Variants in RAP1A observed in about 807,000 individuals in gnomAD.
RAP1A encodes the protein ras-related protein Rap-1A.
A neutral mutation model predicts 26.4 loss-of-function variants in RAP1A; 6 were observed. The ratio of observed to expected loss-of-function variants is 0.23; its 90% CI spans 0.12 to 0.45. RAP1A has a LOEUF of 0.45. Among genes scored for constraint, RAP1A ranks in the 20% least tolerant of loss-of-function variants. The pLI, the probability that RAP1A is intolerant of heterozygous loss-of-function variation, is 0.99. For synonymous variants in RAP1A, 73 were observed against 79.4 expected, an observed-to-expected ratio of 0.92 and a Z score of 0.43; for missense variants, 121 against 217.2, an observed-to-expected ratio of 0.56 and a Z score of 2.78.
At chr1:111,695,123 T>C (rs973923019) in intron 2 of RAP1A, among the ~76,000 whole-genome samples, 5 of 152,174 alleles carry the variant, frequency 3.3e-5, no homozygotes, top group African/African-American at 1.2e-4. Context: ...TTATCAGTAT[T>C]GATGACAGTT....
Position 111,715,599 on chromosome 1 carries a change from G to C in RAP1A, c.*3198G>C, listed in dbSNP as rs1399415259. ...AACTTTTGGCAAAATATGGATGTTG[G>C]TGTGTTACTCTCTTCTCCCTACAAC... is the stretch of plus-strand genomic sequence containing the variant. On this transcript the variant is annotated 3_prime_UTR_variant, in exon 8 of 8. Transcript: ENST00000369709. 1.3e-5 allele frequency: 2 copies of C among 152,194 alleles called. No homozygotes were observed. The highest frequency in any genetic ancestry group is 6.5e-5 in the Admixed American group (1 of 15,286). 9.4% of individuals were successfully genotyped at this position (152,194 alleles called of 1,614,324 possible).
upstream of RAP1A, among the ~76,000 whole-genome samples, chr1:111,618,820 TAAATA>T (rs112405146): frequency 6.6e-5 from 10 of 151,072 alleles, no homozygotes; most frequent in Admixed American, 2.6e-4. Flanking sequence ...AAAATGTATC[TAAATA>T]AAATAAAATA....
At chr1:111,589,313 C>T (rs546872230) in intron 1 of RAP1A, among the ~76,000 whole-genome samples, 95 of 152,234 alleles carry the variant, frequency 6.2e-4, no homozygotes, top group African/African-American at 2.2e-3. Flanking sequence ...GGCATAGTGG[C>T]ACATGCTTGT....
chr1:111,648,886 C>T (rs191973916), intron 1 of RAP1A: 22 of 792,704 alleles, frequency 2.8e-5, no homozygotes, highest in East Asian at 2.1e-4. Context: ...ATGGTCAACC[C>T]AGAGCTGGCA....
intron 1 of RAP1A, among the ~76,000 whole-genome samples, chr1:111,679,400 C>A (rs942138824): frequency 1.3e-5 from 2 of 152,224 alleles, no homozygotes; most frequent in African/African-American, 2.4e-5. Flanking sequence ...ACCCGCAGAC[C>A]AGGAGATTCC....
At chr1:111,707,837 C>A (rs1662243705) in intron 6 of RAP1A, among the ~76,000 whole-genome samples, 1 of 152,118 alleles carries the variant, frequency 6.6e-6, no homozygotes, top group African/African-American at 2.4e-5. Flanking sequence ...GTCTTTGATA[C>A]TTTGCACTTT....
chr1:111,692,675 G>C (rs2300545), intron 2 of RAP1A, among the ~76,000 whole-genome samples: 6 of 152,038 alleles, frequency 3.9e-5, no homozygotes, highest in African/African-American at 1.4e-4. Context: ...CCATTAGAAT[G>C]CAATAGCTCT....
chr1:111,697,462 C>A lies in RAP1A; in HGVS notation c.148C>A (p.Gln50Lys). ...YRKQVEVDCQ[Q>K]CMLEILDTAG... The stretch of plus-strand genomic sequence containing the variant: ...ACAGCAAGTTGAAGTCGATTGCCAA[C>A]AGTGTATGCTCGAAATCCTGGATAC... The change falls in exon 4 of 8, where the codon CAG (glutamine) becomes AAG (lysine). Residue 50 changes from glutamine to lysine, a missense_variant. Coordinates refer to ENST00000369709, the MANE Select transcript of RAP1A (RefSeq NM_002884.4). The A allele has an allele frequency of 6.2e-7, 1 of 1,610,916 alleles. No homozygotes were observed. Among genetic ancestry groups the A allele is most frequent in the Non-Finnish European group, 8.5e-7 (1 of 1,179,094 alleles).
At chr1:111,591,455 C>T (rs1658469573) in intron 1 of RAP1A, among the ~76,000 whole-genome samples, 1 of 152,112 alleles carries the variant, frequency 6.6e-6, no homozygotes, top group African/African-American at 2.4e-5. Context: ...ACTAAATAAA[C>T]ATTTTAAAGC....
At chr1:111,663,773 A>G (rs911261094) in intron 1 of RAP1A, among the ~76,000 whole-genome samples, 1 of 152,110 alleles carries the variant, frequency 6.6e-6, no homozygotes, top group African/African-American at 2.4e-5. Context: ...CTATTTTCCA[A>G]CTATTGTTCT....
At chr1:111,554,530 T>C (rs1483777178) in intron 1 of RAP1A, among the ~76,000 whole-genome samples, 2 of 152,170 alleles carry the variant, frequency 1.3e-5, no homozygotes, top group African/African-American at 2.4e-5. Context: ...AAGTCTCAGG[T>C]CTACACAAAT....
At chr1:111,545,786 T>C (rs912518292) in intron 1 of RAP1A, among the ~76,000 whole-genome samples, 1 of 152,156 alleles carries the variant, frequency 6.6e-6, no homozygotes, top group Non-Finnish European at 1.5e-5. Flanking sequence ...CGATTTTTAC[T>C]TAATTTTTGT....
At chr1:111,595,899 TATTTC>T (rs1658556055) in intron 1 of RAP1A, among the ~76,000 whole-genome samples, 2 of 152,252 alleles carry the variant, frequency 1.3e-5, no homozygotes, top group Non-Finnish European at 2.9e-5. Flanking sequence ...TCTAAATGAT[TATTTC>T]ATTTAAGAAT....
chr1:111,644,693 T>C (rs1660010448), intron 1 of RAP1A, among the ~76,000 whole-genome samples: 1 of 152,214 alleles, frequency 6.6e-6, no homozygotes, highest in African/African-American at 2.4e-5. Context: ...CTGGTAAAAC[T>C]AACATGGATC....
chr1:111,660,959 G>T lies in RAP1A; in HGVS notation c.-27-30375G>T, dbSNP rs187026281. Among the ~76,000 whole-genome samples the T allele has an allele frequency of 3.9e-5, 6 of 152,272 alleles. No homozygotes were observed. In the East Asian group the frequency reaches 9.6e-4, roughly 24 times the overall value. On this transcript the variant is annotated intron_variant, in intron 1 of 7. Coordinates refer to ENST00000369709, the MANE Select transcript of RAP1A (RefSeq NM_002884.4). ...TGTTTACTCAAACATCACTCTTCTAGATTATAAACCTACATGCCATATGGA... is the reference window on the plus strand; with the variant it reads ...TGTTTACTCAAACATCACTCTTCTATATTATAAACCTACATGCCATATGGA...
At chr1:111,627,839 G>C (rs1304651868) in intron 1 of RAP1A, among the ~76,000 whole-genome samples, 2 of 150,992 alleles carry the variant, frequency 1.3e-5, no homozygotes, top group Non-Finnish European at 2.9e-5. Flanking sequence ...ACATGAGAAA[G>C]CTTGTTTTAT....
intron 1 of RAP1A, among the ~76,000 whole-genome samples, chr1:111,545,524 A>T (rs1254794871): frequency 6.6e-6 from 1 of 151,996 alleles, no homozygotes; most frequent in Non-Finnish European, 1.5e-5. Flanking sequence ...TGGCTACTAG[A>T]CTATTATCAG....
At chr1:111,700,635 T>G (rs1027686535) in intron 4 of RAP1A, among the ~76,000 whole-genome samples, 4 of 152,214 alleles carry the variant, frequency 2.6e-5, no homozygotes. Flanking sequence ...CTTCGAGCTC[T>G]TATATCTAAC....
At chr1:111,560,562 C>T (rs1439972298) in intron 1 of RAP1A, among the ~76,000 whole-genome samples, 1 of 151,926 alleles carries the variant, frequency 6.6e-6, no homozygotes, top group Non-Finnish European at 1.5e-5. Flanking sequence ...GATCATAGCT[C>T]ACTGCAGCCT....
Sources: allele counts gnomAD v4.1 joint callset (sites outside exome capture counted in the v4.1 genomes callset), GRCh38; gene constraint gnomAD v4.1.1; transcripts MANE v1.5; gene names NCBI Gene and HGNC (gene_info 2026-07-23, HGNC 2026-07-21).